GPN2: variants seen among roughly 807,000 people sequenced by gnomAD.
The protein encoded by GPN2 is ATP-binding domain 1 family member B.
GPN2 carries 27 observed loss-of-function variants against 30.1 expected under a neutral mutation model. The observed-to-expected ratio is 0.90, with a 90% confidence interval of 0.66 to 1.24. GPN2 has a LOEUF of 1.24. GPN2 is among the 50% of genes most tolerant of loss of function. The pLI is 0.00. For missense variants in GPN2, 406 were observed against 405.4 expected, an observed-to-expected ratio of 1.00 and a Z score of -0.01; for synonymous variants, 212 against 174.4, an observed-to-expected ratio of 1.22 and a Z score of -1.70.
Position 26,885,876 on chromosome 1 carries a change from G to A in GPN2, c.729+97C>T, listed in dbSNP as rs1283777367. ...TTAGAGGCTTGAGCAACCGCGCCCA[G>A]CCGGCAAAGACCATTCTTTAAGCCC... On this transcript the variant is annotated intron_variant, in intron 3 of 4. Transcript: ENST00000374135. 4 of 988,354 alleles carry A rather than the reference G, an allele frequency of 4.0e-6. No individual in the cohort carries two copies. In the Admixed American group the frequency reaches 6.1e-5, roughly 15 times the overall value. The allele number at this position is 988,354 out of a possible 1,614,324, so 61.2% of individuals were successfully genotyped here.
At chr1:26,885,857 G>C in intron 3 of GPN2, 116 bp downstream of exon 3, 1 of 789,452 alleles carries the variant, frequency 1.3e-6, no homozygotes, top group Non-Finnish European at 2.1e-6. Flanking sequence ...AGGATTAGAG[G>C]CTTGAGCAAC....
rs1457219939 is a variant in GPN2, at chr1:26,877,149, G to A, written c.*2528C>T. On this transcript the variant is annotated 3_prime_UTR_variant, in exon 5 of 5. Coordinates refer to ENST00000374135, the MANE Select transcript of GPN2 (RefSeq NM_018066.4). ...TCAGTTTTCCTGGCTTGCTCTATTG[G>A]TACTTCCTACCTACTCTGTGGGGTG... The A allele has an allele frequency of 1.3e-5, 2 of 152,230 alleles. No individual in the cohort carries two copies. The highest frequency in any genetic ancestry group is 2.9e-5 in the Non-Finnish European group (2 of 68,076). 9.4% of individuals were successfully genotyped at this position (152,230 alleles called of 1,614,324 possible).
rs746593300 is a variant in GPN2, at chr1:26,888,970, C to T, written c.567G>A (p.Leu189=). The part of the protein sequence containing the change: ...KMDLIEHYGK[L]AFNLDYYTEV... ...TTCGCCTGGAACAGAAGCTCTTACC[C>T]AGCTTCCCATAATGCTCAATGAGGT... is the stretch of plus-strand genomic sequence containing the variant. Residue 189 remains leucine, a splice_region_variant and synonymous_variant, in exon 2 of 5, where the codon CTG becomes CTA. Coordinates refer to ENST00000374135, the MANE Select transcript of GPN2 (RefSeq NM_018066.4). 1.2e-6 allele frequency: 2 copies of T among 1,614,126 alleles called. No homozygotes were observed. The highest frequency in any genetic ancestry group is 3.3e-5 in the Admixed American group (2 of 60,026).
In GPN2 at chr1:26,886,047, G is replaced by A. The variant is rs772278914; in HGVS notation, c.655C>T (p.Arg219Cys). 1.4e-5 allele frequency: 23 copies of A among 1,613,070 alleles called. No homozygotes were observed. The South Asian group carries it at 1.5e-4, about 11-fold the overall frequency. Residue 219 changes from arginine (R) to cysteine (C), a missense_variant, in exon 3 of 5, where the codon CGC becomes TGC. By Grantham distance (180) the Arg-to-Cys change is radical (BLOSUM62 -3). Coordinates refer to ENST00000374135, the MANE Select transcript of GPN2 (RefSeq NM_018066.4). Reference sequence around the variant, plus strand: ...TGCACTAGCTTCTCATTGAGCTGGCGGTAGTGGCGGAAGAAAGGGTCAGAA... The same window carrying A: ...TGCACTAGCTTCTCATTGAGCTGGCAGTAGTGGCGGAAGAAAGGGTCAGAA... ...LASDPFFRHYRQLNEKLVQLI... is the reference protein window; with the variant it reads ...LASDPFFRHYCQLNEKLVQLI...
Position 26,890,154 on chromosome 1 carries a change from G to T in GPN2, c.-58C>A, listed in dbSNP as rs1213315126. The stretch of plus-strand genomic sequence containing the variant: ...CAGGGAAAACGGGGCAGGTAGCCGC[G>T]CCGGAGACGAGACTGAGGGCGAGGG... On this transcript the variant is annotated 5_prime_UTR_variant, in exon 1 of 5. Transcript: ENST00000374135. 1.1e-5 allele frequency: 15 copies of T among 1,400,302 alleles called. No homozygotes were observed. The East Asian group carries it at 3.0e-4, about 28-fold the overall frequency. The allele number at this position is 1,400,302 out of a possible 1,614,324, so 86.7% of individuals were successfully genotyped here.
intron 3 of GPN2, among the ~76,000 whole-genome samples, chr1:26,884,719 A>G (rs2081882280): frequency 6.6e-6 from 1 of 152,196 alleles, no homozygotes; most frequent in African/African-American, 2.4e-5. Context: ...GGTGGTTCAC[A>G]CCTGTAAAGC....
At chr1:26,886,773 G>GC (rs1168388386) in intron 2 of GPN2, among the ~76,000 whole-genome samples, 1 of 149,872 alleles carries the variant, frequency 6.7e-6, no homozygotes, top group Non-Finnish European at 1.5e-5. Flanking sequence ...AGCCGAGATC[G>GC]CGCCACTGCA....
intron 3 of GPN2, among the ~76,000 whole-genome samples, chr1:26,884,527 A>G (rs1481643932): frequency 6.6e-6 from 1 of 152,182 alleles, no homozygotes; most frequent in Non-Finnish European, 1.5e-5. Flanking sequence ...GTTTACACCT[A>G]TTGTACATGG....
Position 26,890,236 on chromosome 1 carries a change from G to A in GPN2, c.-140C>T. The A allele has an allele frequency of 1.4e-6, 1 of 727,742 alleles. No individual in the cohort carries two copies. Among genetic ancestry groups the A allele is most frequent in the South Asian group, 2.1e-5 (1 of 48,144 alleles). 45.1% of individuals were successfully genotyped at this position (727,742 alleles called of 1,614,324 possible). A position where few individuals can be genotyped will look rare whatever the true frequency, so the allele number is the denominator to read the frequency against. On this transcript the variant is annotated 5_prime_UTR_variant, in exon 1 of 5. Transcript: ENST00000374135. ...GTCACTCGCCTCAGGCGGAACAGCT[G>A]AGACCGTGTCGCGCAAAAGGAGATA...
intron 3 of GPN2, among the ~76,000 whole-genome samples, chr1:26,884,706 C>G (rs1251842858): frequency 1.3e-5 from 2 of 152,214 alleles, no homozygotes; most frequent in African/African-American, 2.4e-5. Context: ...CTGGGCCAGG[C>G]ACGGTGGTTC....
rs1430711423 is a variant in GPN2 at position 26,889,024 on chromosome 1, C to T, written c.513G>A (p.Leu171=). 4 of 1,614,204 alleles carry T rather than the reference C, an allele frequency of 2.5e-6. No homozygotes were observed. Among genetic ancestry groups the T allele is most frequent in the South Asian group, 1.1e-5 (1 of 91,088 alleles). Residue 171 remains leucine (L), a synonymous_variant, in exon 2 of 5, where the codon CTG becomes CTA. Transcript: ENST00000374135. The part of the protein sequence containing the change: ...TSLATMLHVE[L]PHINLLSKMD... ...TCTTGGAAAGGAGGTTGATGTGGGG[C>T]AGTTCCACGTGCAGCATGGTGGCCA... is the stretch of plus-strand genomic sequence containing the variant.
intron 2 of GPN2, among the ~76,000 whole-genome samples, chr1:26,886,871 T>C (rs34353981): frequency 0.054 from 8,237 of 151,756 alleles, 299 homozygotes; most frequent in Non-Finnish European, 0.079. Flanking sequence ...CACATGCCTG[T>C]AATCCCAGCT....
chr1:26,889,210 G>A (rs1236222811), intron 1 of GPN2, 85 bp from the exon 2 acceptor site: 1 of 1,067,892 alleles, frequency 9.4e-7, no homozygotes, highest in African/African-American at 1.6e-5. Context: ...GAGGACAGAG[G>A]GGAAGCTTTC....
rs902038811 is a variant in GPN2, at chr1:26,876,318, C to G, written c.*3359G>C. 1.3e-5 allele frequency: 2 copies of G among 151,792 alleles called. No homozygotes were observed. Among genetic ancestry groups the G allele is most frequent in the Non-Finnish European group, 2.9e-5 (2 of 67,984 alleles). 9.4% of individuals were successfully genotyped at this position (151,792 alleles called of 1,614,324 possible). A position where few individuals can be genotyped will look rare whatever the true frequency, so the allele number is the denominator to read the frequency against. On this transcript the variant is annotated 3_prime_UTR_variant, in exon 5 of 5. Transcript: ENST00000374135. ...GAAACTTCCGCCTCCCAGGTTCAAG[C>G]GATTCTCCTGCCTCAGTCTCCTAAG...
rs2081846621 is a variant in GPN2, at chr1:26,878,193, A to G, written c.*1484T>C. On this transcript the variant is annotated 3_prime_UTR_variant, in exon 5 of 5. Transcript: ENST00000374135. ...ATATGAACTGCATCCAGCCAGTTGC[A>G]AGAGCAAAGAAAAAACTTCCAAGCC... The G allele has an allele frequency of 6.6e-6, 1 of 152,218 alleles. No individual in the cohort carries two copies. Among genetic ancestry groups the G allele is most frequent in the South Asian group, 2.1e-4 (1 of 4,834 alleles). 9.4% of individuals were successfully genotyped at this position (152,218 alleles called of 1,614,324 possible).
intron 4 of GPN2, among the ~76,000 whole-genome samples, chr1:26,882,887 T>C (rs1057367789): frequency 2.0e-5 from 3 of 152,202 alleles, no homozygotes; most frequent in Admixed American, 1.3e-4. Context: ...CTCCTTTTCC[T>C]GCCTCAGTGA....
intron 4 of GPN2, among the ~76,000 whole-genome samples, chr1:26,882,352 G>C (rs2081868688): frequency 6.6e-6 from 1 of 151,572 alleles, no homozygotes. Context: ...AACAGCAAAA[G>C]AAAGTCCATC....
In GPN2 at chr1:26,879,074, G is replaced by A. The variant is rs1251169113; in HGVS notation, c.*603C>T. 2 of 152,430 alleles carry A rather than the reference G, an allele frequency of 1.3e-5. No individual in the cohort carries two copies. Among genetic ancestry groups the A allele is most frequent in the African/African-American group, 4.8e-5 (2 of 41,450 alleles). The allele number at this position is 152,430 out of a possible 1,614,324, so 9.4% of individuals were successfully genotyped here. A position where few individuals can be genotyped will look rare whatever the true frequency, so the allele number is the denominator to read the frequency against. The stretch of plus-strand genomic sequence containing the variant: ...GTTAAAACTGAAAATTGTGGGACAT[G>A]GTGGCTCACACCTGTAGTCCCAGTT... On this transcript the variant is annotated 3_prime_UTR_variant, in exon 5 of 5. Transcript: ENST00000374135.
chr1:26,889,946 C>A lies in GPN2; in HGVS notation c.151G>T (p.Gly51Trp). ...TCCACGGCACACTCGTACGGCAGCC[C>A]CTCGTTGGCCGGGTCCAGGTTCACC... Reference protein sequence around the residue: ...AVVNLDPANEGLPYECAVDVG... With the variant: ...AVVNLDPANEWLPYECAVDVG... The change falls in exon 1 of 5, where the codon GGG becomes TGG. Residue 51 changes from glycine to tryptophan, a missense_variant. Gly to Trp is a radical substitution (Grantham distance 184, BLOSUM62 -2). Coordinates refer to ENST00000374135, the MANE Select transcript of GPN2 (RefSeq NM_018066.4). The A allele has an allele frequency of 6.2e-7, 1 of 1,608,096 alleles. No individual in the cohort carries two copies. The highest frequency in any genetic ancestry group is 1.1e-5 in the South Asian group (1 of 90,968).
Sources: gnomAD v4.1 joint callset for allele counts (sites outside exome capture counted in the v4.1 genomes callset) on GRCh38, gnomAD v4.1.1 for gene constraint, MANE v1.5 for transcripts, NCBI Gene and HGNC (gene_info 2026-07-23, HGNC 2026-07-21) for gene names.